Variants in AOPEP observed in about 807,000 individuals in gnomAD.
The protein encoded by AOPEP is aminopeptidase O (putative).
In AOPEP, 77 loss-of-function variants were observed where a neutral mutation model predicts 98.1. The observed-to-expected ratio is 0.78, with a 90% CI of 0.65 to 0.95. The LOEUF is 0.95. Among genes scored for constraint, AOPEP ranks in the 40% least tolerant of loss-of-function variants. AOPEP has a pLI of 0.00. For missense variants in AOPEP, 1,024 were observed against 1,024.7 expected (o/e 1.00, Z 0.01); for synonymous variants, 346 against 365.3 (o/e 0.95, Z 0.60).
At chr9:94,755,587 C>T (rs1836837046) in intron 1 of AOPEP, among the ~76,000 whole-genome samples, 1 of 152,104 alleles carries the variant, frequency 6.6e-6, no homozygotes. Flanking sequence ...CTTTGCCCCC[C>T]AAAGCTATTA....
intron 7 of AOPEP, among the ~76,000 whole-genome samples, chr9:94,929,574 C>G (rs956494290): frequency 2.0e-5 from 3 of 152,274 alleles, no homozygotes; most frequent in Non-Finnish European, 4.4e-5. Context: ...GAAAGGAGAT[C>G]TAGCGGAGGG....
intron 1 of AOPEP, among the ~76,000 whole-genome samples, chr9:94,754,625 A>G (rs924294061): frequency 2.0e-5 from 3 of 152,186 alleles, no homozygotes; most frequent in Non-Finnish European, 4.4e-5. Flanking sequence ...TGAAATCACA[A>G]ATACCTTTGG....
At position 94,764,337 on chromosome 9, in the gene AOPEP, A is replaced by T. The variant is rs563054945; in HGVS notation, c.797+3757A>T. On this transcript the variant is annotated intron_variant, in intron 2 of 16. Transcript: ENST00000375315. ...ACAGTCAAGAGGAGCCTGAGGAGACATGATGATTAAAAGCAATGTGGTGTC... is the reference window on the plus strand; with the variant it reads ...ACAGTCAAGAGGAGCCTGAGGAGACTTGATGATTAAAAGCAATGTGGTGTC... 1.2e-4 allele frequency among the ~76,000 whole-genome samples: 18 copies of T among 152,334 alleles called. No individual in the cohort carries two copies. The South Asian group carries it at 3.7e-3, about 32-fold the overall frequency.
intron 5 of AOPEP, chr9:94,900,861 G>A (rs2050300594): frequency 6.6e-6 from 1 of 152,116 alleles, no homozygotes; most frequent in African/African-American, 2.4e-5. Context: ...ACAAAATCAC[G>A]AAGCTTTGCA....
chr9:94,915,966 G>C (rs940977157), intron 5 of AOPEP, among the ~76,000 whole-genome samples: 3 of 152,200 alleles, frequency 2.0e-5, no homozygotes, highest in Non-Finnish European at 2.9e-5. Context: ...AACTGTCCTT[G>C]CTGAGAATGG....
intron 5 of AOPEP, among the ~76,000 whole-genome samples, chr9:94,828,068 G>C (rs1855036672): frequency 6.6e-6 from 1 of 152,216 alleles, no homozygotes; most frequent in Non-Finnish European, 1.5e-5. Context: ...AAGCAGGGAG[G>C]AGGAGCAGTG....
intron 5 of AOPEP, among the ~76,000 whole-genome samples, chr9:94,817,738 T>G (rs1170466077): frequency 1.3e-5 from 2 of 152,222 alleles, no homozygotes; most frequent in African/African-American, 4.8e-5. Context: ...TTAAGAACTT[T>G]AGGCCTAGAT....
intron 13 of AOPEP, among the ~76,000 whole-genome samples, chr9:95,037,275 T>G (rs1345591012): frequency 6.6e-6 from 1 of 152,242 alleles, no homozygotes; most frequent in Non-Finnish European, 1.5e-5. Flanking sequence ...CTAACCATTT[T>G]ATCTTAAGAA....
At chr9:95,067,180 C>T (rs966261125) in intron 14 of AOPEP, among the ~76,000 whole-genome samples, 2 of 152,118 alleles carry the variant, frequency 1.3e-5, no homozygotes, top group African/African-American at 4.8e-5. Context: ...TCTGTCTGGA[C>T]TTCAGGCTGT....
chr9:95,148,966 T>TC, the AOPEP span, among the ~76,000 whole-genome samples: 1 of 152,148 alleles, frequency 6.6e-6, no homozygotes, highest in Non-Finnish European at 1.5e-5. Context: ...TTCATACACT[T>TC]CAACCAAAAC....
chr9:94,956,086 G>A (rs2058435355), intron 9 of AOPEP, 71 bp downstream of exon 9: 1 of 895,014 alleles, frequency 1.1e-6, no homozygotes, highest in East Asian at 2.4e-5. Flanking sequence ...ATTAGATTAT[G>A]CCAGTATTAA....
the AOPEP span, among the ~76,000 whole-genome samples, chr9:95,103,496 G>A: frequency 6.6e-6 from 1 of 152,234 alleles, no homozygotes; most frequent in Admixed American, 6.5e-5. Flanking sequence ...TCCAGGACAG[G>A]ACAGGAGGTG....
chr9:95,069,241 A>T (rs926448350), intron 14 of AOPEP, among the ~76,000 whole-genome samples: 1 of 152,204 alleles, frequency 6.6e-6, no homozygotes. Flanking sequence ...GCCATCCCTC[A>T]GACTTGGGGA....
intron 13 of AOPEP, among the ~76,000 whole-genome samples, chr9:95,023,610 C>A (rs921610521): frequency 3.3e-5 from 5 of 152,300 alleles, no homozygotes; most frequent in African/African-American, 1.2e-4. Flanking sequence ...GTCTGGTTAT[C>A]CACAAAAAAA....
chr9:94,888,503 T>A (rs1014895787), intron 5 of AOPEP, among the ~76,000 whole-genome samples: 5 of 152,200 alleles, frequency 3.3e-5, no homozygotes, highest in African/African-American at 1.2e-4. Flanking sequence ...TATTCAGATT[T>A]CAGCAGTTAT....
At chr9:95,012,307 G>T (rs949471000) in intron 13 of AOPEP, among the ~76,000 whole-genome samples, 1 of 152,168 alleles carries the variant, frequency 6.6e-6, no homozygotes, top group South Asian at 2.1e-4. Flanking sequence ...GAAGTGTGCT[G>T]ATAATTACAC....
intron 1 of AOPEP, among the ~76,000 whole-genome samples, chr9:94,728,239 G>GCACACACACA (rs78505500): frequency 0.036 from 5,224 of 146,542 alleles, 110 homozygotes; most frequent in South Asian, 0.068. Flanking sequence ...GTGCGCGCAT[G>GCACACACACA]CACACACACA....
the AOPEP span, chr9:95,099,306 C>G: frequency 4.4e-6 from 1 of 224,772 alleles, no homozygotes; most frequent in Non-Finnish European, 8.9e-6. Context: ...ATTCCAGACC[C>G]TGTCGCACCT....
At chr9:95,008,816 T>G (rs2062251795) in intron 13 of AOPEP, among the ~76,000 whole-genome samples, 1 of 152,242 alleles carries the variant, frequency 6.6e-6, no homozygotes, top group Non-Finnish European at 1.5e-5. Flanking sequence ...CATGCGTCTT[T>G]TCATATTTTC....
Sources: gnomAD v4.1 joint callset for allele counts (sites outside exome capture counted in the v4.1 genomes callset) on GRCh38, gnomAD v4.1.1 for gene constraint, MANE v1.5 for transcripts, NCBI Gene and HGNC (gene_info 2026-07-23, HGNC 2026-07-21) for gene names.